TRAM2: variants seen among roughly 807,000 people sequenced by gnomAD.
The protein encoded by TRAM2 is translocation associated membrane protein 2, also known as translocating chain-associated membrane protein 2.
A neutral mutation model predicts 51.0 loss-of-function variants in TRAM2; 12 were observed. That is an observed-to-expected ratio of 0.24 (90% CI 0.15 to 0.38). The LOEUF is 0.38. Among genes scored for constraint, TRAM2 ranks in the 10% least tolerant of loss-of-function variants. TRAM2 has a pLI of 1.00. For missense variants in TRAM2, 361 were observed against 462.0 expected (o/e 0.78, Z 2.00); for synonymous variants, 175 against 179.4 (o/e 0.98, Z 0.20).
intron 1 of TRAM2, among the ~76,000 whole-genome samples, chr6:52,540,136 C>G (rs1262460622): frequency 6.6e-6 from 1 of 151,700 alleles, no homozygotes; most frequent in Non-Finnish European, 1.5e-5. Context: ...CATATCTCAA[C>G]AAGATGGTGT....
intron 2 of TRAM2, among the ~76,000 whole-genome samples, chr6:52,518,124 G>A (rs955660815): frequency 1.1e-4 from 16 of 152,200 alleles, no homozygotes; most frequent in Admixed American, 9.2e-4. Flanking sequence ...GACGGGCAGC[G>A]CTCCTGAGAA....
intron 1 of TRAM2, among the ~76,000 whole-genome samples, chr6:52,576,507 C>A (rs970195994): frequency 2.6e-5 from 4 of 152,130 alleles, no homozygotes; most frequent in African/African-American, 9.7e-5. Flanking sequence ...GCGGTTGGTT[C>A]GAGGCCAGGC....
At chr6:52,565,964 A>T (rs1767584036) in intron 1 of TRAM2, among the ~76,000 whole-genome samples, 1 of 152,250 alleles carries the variant, frequency 6.6e-6, no homozygotes, top group African/African-American at 2.4e-5. Flanking sequence ...GCATGCAAGC[A>T]TCATTATGGC....
chr6:52,553,819 T>C (rs1160584224), intron 1 of TRAM2, among the ~76,000 whole-genome samples: 1 of 152,210 alleles, frequency 6.6e-6, no homozygotes, highest in African/African-American at 2.4e-5. Context: ...GAAGGTCAAA[T>C]GTAGCACAAG....
intron 1 of TRAM2, among the ~76,000 whole-genome samples, chr6:52,563,775 A>C (rs1767542903): frequency 6.6e-6 from 1 of 151,598 alleles, no homozygotes; most frequent in Non-Finnish European, 1.5e-5. Context: ...ACAGTTCTCA[A>C]TGAATTCCTT....
intron 1 of TRAM2, among the ~76,000 whole-genome samples, chr6:52,549,180 T>C (rs2114095723): frequency 6.6e-6 from 1 of 152,184 alleles, no homozygotes; most frequent in East Asian, 1.9e-4. Flanking sequence ...AATGAACTAG[T>C]CTAAAATGGA....
chr6:52,510,025 C>T (rs6917841), intron 4 of TRAM2, among the ~76,000 whole-genome samples: 133,510 of 152,144 alleles, frequency 0.88, 58,603 homozygotes, highest in East Asian at 0.96. Context: ...GAAATGCCTC[C>T]ATAATGAATA....
At chr6:52,526,974 A>C (rs1258691973) in intron 2 of TRAM2, among the ~76,000 whole-genome samples, 1 of 152,236 alleles carries the variant, frequency 6.6e-6, no homozygotes, top group African/African-American at 2.4e-5. Flanking sequence ...ACATACAAAA[A>C]AATTTTTTTT....
intron 2 of TRAM2, among the ~76,000 whole-genome samples, chr6:52,520,447 A>G (rs1766649233): frequency 6.6e-6 from 1 of 152,248 alleles, no homozygotes; most frequent in Non-Finnish European, 1.5e-5. Flanking sequence ...AGGCAGAGCA[A>G]TCGGAGAAGA....
intron 1 of TRAM2, among the ~76,000 whole-genome samples, chr6:52,551,822 G>A (rs1303016683): frequency 1.3e-5 from 2 of 152,238 alleles, no homozygotes; most frequent in East Asian, 3.8e-4. Context: ...GAAGGGAAGA[G>A]GAAGGGGTTT....
In TRAM2 at chr6:52,535,986, T is replaced by A; in HGVS notation, c.121-140A>T. 6.2e-6 allele frequency: 4 copies of A among 646,664 alleles called. No homozygotes were observed. In the South Asian group the frequency reaches 8.3e-5, roughly 13 times the overall value. The allele number at this position is 646,664 out of a possible 1,614,324, so 40.1% of individuals were successfully genotyped here. On this transcript the variant is annotated intron_variant, in intron 1 of 10. Transcript: ENST00000182527. Reference sequence around the variant, plus strand: ...GGTTCTGCCTAATGCAGAGTTAGCATTAGTTTTTGTTCTATTTTTCTTTAA... The same window carrying A: ...GGTTCTGCCTAATGCAGAGTTAGCAATAGTTTTTGTTCTATTTTTCTTTAA...
intron 1 of TRAM2, among the ~76,000 whole-genome samples, chr6:52,551,206 G>C (rs949917035): frequency 1.3e-5 from 2 of 152,132 alleles, no homozygotes; most frequent in Non-Finnish European, 2.9e-5. Context: ...ATGAGTCCTG[G>C]CTTCATGAAC....
In TRAM2 at chr6:52,504,609, G is replaced by A. The variant is rs1184328930; in HGVS notation, c.1021C>T (p.Leu341Phe). Residue 341 changes from leucine to phenylalanine, a missense_variant, in exon 10 of 11, where the codon CTC (leucine) becomes TTC (phenylalanine). Transcript: ENST00000182527. ...VPATPRLPARLIKRESGYHEN... is the reference protein window; with the variant it reads ...VPATPRLPARFIKRESGYHEN... The stretch of plus-strand genomic sequence containing the variant: ...CACTCACCAGATTCCCTCTTGATGA[G>A]CCTGGCTGGTAGTCTGGGTGTGGCT... 6.2e-7 allele frequency: 1 copy of A among 1,614,050 alleles called. No individual in the cohort carries two copies. The highest frequency in any genetic ancestry group is 1.3e-5 in the African/African-American group (1 of 74,930).
chr6:52,572,174 C>T (rs1253243654), intron 1 of TRAM2, among the ~76,000 whole-genome samples: 4 of 152,202 alleles, frequency 2.6e-5, no homozygotes, highest in East Asian at 3.8e-4. Context: ...CAAGAGAGTA[C>T]GTGACCCTCC....
chr6:52,503,790 A>G (rs1766286704), intron 10 of TRAM2, among the ~76,000 whole-genome samples: 1 of 152,106 alleles, frequency 6.6e-6, no homozygotes, highest in African/African-American at 2.4e-5. Flanking sequence ...TGGCAGAAAA[A>G]TTGTGCTCTA....
At chr6:52,503,299 T>C (rs1317745377) in intron 10 of TRAM2, 29 bp from the exon 11 acceptor site, 7 of 1,599,044 alleles carry the variant, frequency 4.4e-6, no homozygotes, top group Admixed American at 1.7e-5. Flanking sequence ...CAAGCATACA[T>C]GGTGTTTCTG....
chr6:52,537,201 A>G (rs1030315835), intron 1 of TRAM2, among the ~76,000 whole-genome samples: 1 of 152,240 alleles, frequency 6.6e-6, no homozygotes, highest in Non-Finnish European at 1.5e-5. Flanking sequence ...GACATGTCCT[A>G]TCAGGCTTGC....
At chr6:52,511,443 CCTT>C (rs1766450555) in intron 4 of TRAM2, among the ~76,000 whole-genome samples, 1 of 152,170 alleles carries the variant, frequency 6.6e-6, no homozygotes, top group South Asian at 2.1e-4. Flanking sequence ...GGGCCACAAG[CCTT>C]CTGGTCCAAT....
At chr6:52,514,645 G>A (rs372110623) in intron 4 of TRAM2, among the ~76,000 whole-genome samples, 30 of 152,360 alleles carry the variant, frequency 2.0e-4, no homozygotes, top group African/African-American at 6.5e-4. Context: ...AAATCTGGTC[G>A]CCACGTGTCA....
Sources: gnomAD v4.1 joint callset for allele counts (sites outside exome capture counted in the v4.1 genomes callset) on GRCh38, gnomAD v4.1.1 for gene constraint, MANE v1.5 for transcripts, NCBI Gene and HGNC (gene_info 2026-07-23, HGNC 2026-07-21) for gene names.